Variants in USP20 observed in about 807,000 individuals in gnomAD.
USP20 encodes ubiquitin specific peptidase 20, also known as ubiquitin carboxyl-terminal hydrolase 20.
A neutral mutation model predicts 124.2 loss-of-function variants in USP20; 80 were observed. The ratio of observed to expected loss-of-function variants is 0.64; its 90% CI spans 0.54 to 0.78. USP20 has a LOEUF of 0.78. USP20 is among the 30% of genes least tolerant of loss of function. USP20 has a pLI of 0.00. For missense variants in USP20, 1,043 were observed against 1,244.4 expected (o/e 0.84, Z 2.44); for synonymous variants, 481 against 512.3 (o/e 0.94, Z 0.83).
In USP20 at chr9:129,858,119, G is replaced by T; in HGVS notation, c.198+7G>T. On this transcript the variant is annotated splice_region_variant and intron_variant, in intron 5 of 25. Transcript: ENST00000372429. ...CAGCACCATTCATGCACAGGTGAGT[G>T]TGGTGGCTGAGAGTATGGGCCCTGC... is the stretch of plus-strand genomic sequence containing the variant. The T allele has an allele frequency of 6.2e-7, 1 of 1,613,736 alleles. No individual in the cohort carries two copies. The highest frequency in any genetic ancestry group is 8.5e-7 in the Non-Finnish European group (1 of 1,179,998).
At chr9:129,856,503 A>G in intron 4 of USP20, 143 bp downstream of exon 4, 4 of 928,786 alleles carry the variant, frequency 4.3e-6, no homozygotes, top group South Asian at 2.8e-5. Flanking sequence ...GCTGGGGCAC[A>G]GGGGCACAGG....
At chr9:129,840,086 G>C (rs566456056) in intron 1 of USP20, among the ~76,000 whole-genome samples, 1 of 151,882 alleles carries the variant, frequency 6.6e-6, no homozygotes, top group South Asian at 2.1e-4. Flanking sequence ...CTGGTGGGCC[G>C]GGAGGGCGGG....
rs201227452 is a variant in USP20 at position 129,879,563 on chromosome 9, T to A, written c.2513-10T>A. ...AGGGGCTGAACCCGAGCCCGCTGTG[T>A]CTGTTGCAGAGCCCCCCGGGCCCAT... On this transcript the variant is annotated splice_polypyrimidine_tract_variant and intron_variant, in intron 23 of 25. Coordinates refer to ENST00000372429, the MANE Select transcript of USP20 (RefSeq NM_001110303.4). The surrounding 1 kb of genome is among the most constrained non-coding windows in gnomAD (Gnocchi z 4.2). 155 of 1,613,202 alleles carry A rather than the reference T, an allele frequency of 9.6e-5. No individual in the cohort carries two copies. In the East Asian group the frequency reaches 2.9e-3, roughly 30 times the overall value.
chr9:129,855,140 G>A (rs951071729), intron 3 of USP20, among the ~76,000 whole-genome samples: 3 of 152,194 alleles, frequency 2.0e-5, no homozygotes, highest in African/African-American at 7.2e-5. Flanking sequence ...AGTGTGTAAA[G>A]AACTCAGTGG....
At position 129,858,097 on chromosome 9, in the gene USP20, C is replaced by A; in HGVS notation, c.183C>A (p.Ser61Arg). 6.2e-7 allele frequency: 1 copy of A among 1,613,932 alleles called. No individual in the cohort carries two copies. ...GCGGAGAATCCTTTGCTGACCACAG[C>A]ACCATTCATGCACAGGTGAGTGTGG... ...VGCGESFADH[S>R]TIHAQAKKHN... The change falls in exon 5 of 26, where the codon AGC becomes AGA. Residue 61 changes from serine (S) to arginine (R), a missense_variant. Ser to Arg is a moderately radical substitution (Grantham distance 110). Coordinates refer to ENST00000372429, the MANE Select transcript of USP20 (RefSeq NM_001110303.4).
At chr9:129,848,632 G>A (rs974995375) in intron 1 of USP20, among the ~76,000 whole-genome samples, 3 of 149,630 alleles carry the variant, frequency 2.0e-5, no homozygotes, top group Non-Finnish European at 4.4e-5. Context: ...CAGCCTGAGC[G>A]GCAGAGTGAG....
intron 6 of USP20, among the ~76,000 whole-genome samples, chr9:129,859,274 A>ATTTTATTTTATTTTATTTTG (rs2033403584): frequency 7.0e-6 from 1 of 142,630 alleles, no homozygotes; most frequent in Non-Finnish European, 1.5e-5. Context: ...ATTTTATTTT[A>ATTTTATTTTATTTTATTTTG]TTTTATTTTA....
chr9:129,845,714 T>C (rs1413540618), intron 1 of USP20, among the ~76,000 whole-genome samples: 3 of 151,480 alleles, frequency 2.0e-5, no homozygotes, highest in Non-Finnish European at 4.4e-5. Context: ...TAGATTAGAA[T>C]GATTATAACA....
Position 129,879,537 on chromosome 9 carries a change from CAG to C in USP20, c.2513-35_2513-34del. On this transcript the variant is annotated intron_variant, in intron 23 of 25. Transcript: ENST00000372429. This position sits in a 1 kb window ranked among gnomAD's most constrained non-coding sequence, Gnocchi z 4.2. ...CTGCTGTGGAGGGTGGAGGGCATGG[CAG>C]GGGCTGAACCCGAGCCCGCTGTGTC... 1 of 1,609,000 alleles carries C rather than the reference CAG, an allele frequency of 6.2e-7. No homozygotes were observed.
rs1470450878 is a variant in USP20 at position 129,879,728 on chromosome 9, C to T, written c.2584+84C>T. ...TGCCCAGTCCCGTCCTTCCAGGAGC[C>T]CCCTTACCACCTGTCTTAGAGTCAG... On this transcript the variant is annotated intron_variant, in intron 24 of 25. Transcript: ENST00000372429. The surrounding 1 kb of genome is among the most constrained non-coding windows in gnomAD (Gnocchi z 4.2). 3 of 1,472,436 alleles carry T rather than the reference C, an allele frequency of 2.0e-6. No individual in the cohort carries two copies. The African/African-American group carries it at 4.2e-5, about 20-fold the overall frequency. The allele number at this position is 1,472,436 out of a possible 1,614,324, so 91.2% of individuals were successfully genotyped here. A position where few individuals can be genotyped will look rare whatever the true frequency, so the allele number is the denominator to read the frequency against.
At chr9:129,859,246 C>T (rs143036461) in intron 6 of USP20, among the ~76,000 whole-genome samples, 146 of 13,110 alleles carry the variant, frequency 0.011, 1 homozygote, top group African/African-American at 0.02. Flanking sequence ...CTGCATGGCT[C>T]TCTCCTCCAT....
At position 129,858,064 on chromosome 9, in the gene USP20, T is replaced by C; in HGVS notation, c.150T>C (p.Tyr50=). ...LWACLQVACP[Y]VGCGESFADH... Reference sequence around the variant, plus strand: ...TCTCTTCCCAGGTTGCCTGCCCCTATGTTGGCTGCGGAGAATCCTTTGCTG... The same window carrying C: ...TCTCTTCCCAGGTTGCCTGCCCCTACGTTGGCTGCGGAGAATCCTTTGCTG... The change falls in exon 5 of 26, where the codon TAT becomes TAC. Residue 50 remains tyrosine, a synonymous_variant. Transcript: ENST00000372429. 6.2e-7 allele frequency: 1 copy of C among 1,613,992 alleles called. No homozygotes were observed. Among genetic ancestry groups the C allele is most frequent in the Non-Finnish European group, 8.5e-7 (1 of 1,179,968 alleles).
chr9:129,859,575 C>T (rs1003533676), intron 6 of USP20, among the ~76,000 whole-genome samples: 2 of 151,876 alleles, frequency 1.3e-5, no homozygotes, highest in African/African-American at 2.4e-5. Context: ...CACCTGGCCT[C>T]TCCTTCTGTT....
At position 129,858,473 on chromosome 9, in the gene USP20, A is replaced by C; in HGVS notation, c.205A>C (p.Lys69Gln). 6.2e-7 allele frequency: 1 copy of C among 1,614,106 alleles called. No individual in the cohort carries two copies. Among genetic ancestry groups the C allele is most frequent in the Non-Finnish European group, 8.5e-7 (1 of 1,179,996 alleles). The change falls in exon 6 of 26, where the codon AAG becomes CAG. Residue 69 changes from lysine (K) to glutamine (Q), a missense_variant. By Grantham distance (53) the Lys-to-Gln change is moderately conservative. Coordinates refer to ENST00000372429, the MANE Select transcript of USP20 (RefSeq NM_001110303.4). The stretch of plus-strand genomic sequence containing the variant: ...TTTGGATATCACCCTCTAGGCAAAA[A>C]AGCACAACTTGACCGTGAACCTGAC... Reference protein sequence around the residue: ...DHSTIHAQAKKHNLTVNLTTF... With the variant: ...DHSTIHAQAKQHNLTVNLTTF...
In USP20 at chr9:129,839,032, C is replaced by T. The variant is rs780360085; in HGVS notation, c.-129+3533C>T. 2.0e-5 allele frequency among the ~76,000 whole-genome samples: 3 copies of T among 152,090 alleles called. No homozygotes were observed. Among genetic ancestry groups the T allele is most frequent in the Non-Finnish European group, 2.9e-5 (2 of 68,012 alleles). Reference sequence around the variant, plus strand: ...TGTGAGGAAGCTTCCTTGGAGTACGCGTGTTTGGATTTGGGGAGGTGAAGG... The same window carrying T: ...TGTGAGGAAGCTTCCTTGGAGTACGTGTGTTTGGATTTGGGGAGGTGAAGG... On this transcript the variant is annotated intron_variant, in intron 1 of 25. Transcript: ENST00000372429. The surrounding 1 kb of genome is among the most constrained non-coding windows in gnomAD (Gnocchi z 4.5).
At chr9:129,846,883 TC>T (rs2032609886) in intron 1 of USP20, among the ~76,000 whole-genome samples, 1 of 152,186 alleles carries the variant, frequency 6.6e-6, no homozygotes, top group Admixed American at 6.5e-5. Context: ...TGCCTCAGCC[TC>T]CCAAAGTGTT....
chr9:129,856,972 T>G (rs1318147999), intron 4 of USP20, among the ~76,000 whole-genome samples: 1 of 152,168 alleles, frequency 6.6e-6, no homozygotes, highest in Non-Finnish European at 1.5e-5. Flanking sequence ...GTAATTTTCT[T>G]TTTTTCTCTG....
intron 22 of USP20, 59 bp downstream of exon 22, chr9:129,876,297 G>A: frequency 7.0e-7 from 1 of 1,435,294 alleles, no homozygotes; most frequent in African/African-American, 1.4e-5. Context: ...GGGCAGCTGG[G>A]GACTTGGGGA....
At chr9:129,875,775 C>T (rs1315019503) in intron 21 of USP20, 134 bp downstream of exon 21, 1 of 812,882 alleles carries the variant, frequency 1.2e-6, no homozygotes, top group Non-Finnish European at 1.9e-6. Flanking sequence ...AGCACAGAGC[C>T]GCCTTCACTT....
Sources: gnomAD v4.1 joint callset for allele counts (sites outside exome capture counted in the v4.1 genomes callset) on GRCh38, gnomAD v4.1.1 for gene constraint, Gnocchi (gnomAD v3.1) non-coding constraint, MANE v1.5 for transcripts, NCBI Gene and HGNC (gene_info 2026-07-23, HGNC 2026-07-21) for gene names.